Variants in CFAP20DC observed in about 807,000 individuals in gnomAD.
CFAP20DC encodes the protein protein CFAP20DC.
In CFAP20DC, 84 loss-of-function variants were observed where a neutral mutation model predicts 101.7. The ratio of observed to expected loss-of-function variants is 0.83; its 90% CI spans 0.69 to 0.99. The LOEUF (loss-of-function observed/expected upper bound fraction) is 0.99, where lower values mean the gene tolerates loss of function less well. Ranked by LOEUF, CFAP20DC falls within the 50% of genes least tolerant of loss-of-function variation. The pLI is 0.00. For missense variants in CFAP20DC, 1,007 were observed against 970.3 expected, an observed-to-expected ratio of 1.04 and a Z score of -0.50; for synonymous variants, 359 against 351.2, an observed-to-expected ratio of 1.02 and a Z score of -0.25.
chr3:58,837,859 C>A (rs1033035166), intron 13 of CFAP20DC, among the ~76,000 whole-genome samples: 1 of 152,140 alleles, frequency 6.6e-6, no homozygotes, highest in Non-Finnish European at 1.5e-5. Flanking sequence ...CATTTGAATT[C>A]GAGGATTAAT....
chr3:58,830,194 A>C (rs1248516973), intron 14 of CFAP20DC, among the ~76,000 whole-genome samples: 1 of 152,194 alleles, frequency 6.6e-6, no homozygotes, highest in Non-Finnish European at 1.5e-5. Context: ...AGGTAGGGAT[A>C]AAGAGCACTA....
chr3:59,039,599 T>C lies in CFAP20DC; in HGVS notation c.236A>G (p.Gln79Arg). 1 of 1,528,546 alleles carries C rather than the reference T, an allele frequency of 6.5e-7. No homozygotes were observed. Among genetic ancestry groups the C allele is most frequent in the Middle Eastern group, 1.7e-4 (1 of 5,966 alleles). 94.7% of individuals were successfully genotyped at this position (1,528,546 alleles called of 1,614,324 possible). A position where few individuals can be genotyped will look rare whatever the true frequency, so the allele number is the denominator to read the frequency against. The change falls in exon 4 of 17, where the codon CAG (glutamine) becomes CGG (arginine). Residue 79 changes from glutamine (Q) to arginine (R), a missense_variant. Physicochemically the swap from Gln to Arg is conservative, Grantham distance 43. Transcript: ENST00000482387. ...LGLIQRFLVL[Q>R]IYVPLGQDFS... ...GTCTTGTCCCAGGGGTACGTAAATCTGAAGTACAAGAAACCTCTGGATCAA... is the reference window on the plus strand; with the variant it reads ...GTCTTGTCCCAGGGGTACGTAAATCCGAAGTACAAGAAACCTCTGGATCAA...
intron 15 of CFAP20DC, among the ~76,000 whole-genome samples, chr3:58,801,956 G>T (rs528816776): frequency 1.3e-5 from 2 of 152,226 alleles, no homozygotes; most frequent in East Asian, 3.9e-4. Flanking sequence ...GAATTATTTT[G>T]TATATTATAT....
intron 16 of CFAP20DC, among the ~76,000 whole-genome samples, chr3:58,743,740 G>A (rs1333478305): frequency 1.3e-5 from 2 of 152,140 alleles, no homozygotes; most frequent in African/African-American, 4.8e-5. Context: ...TGGTGGTTGT[G>A]GGGTTCCATC....
chr3:58,806,888 C>A (rs1181327879), intron 14 of CFAP20DC, among the ~76,000 whole-genome samples: 1 of 152,172 alleles, frequency 6.6e-6, no homozygotes, highest in Non-Finnish European at 1.5e-5. Flanking sequence ...TTCCAACGGG[C>A]TTAAAAAACG....
At chr3:58,810,547 C>T (rs1359809580) in intron 14 of CFAP20DC, among the ~76,000 whole-genome samples, 12 of 151,786 alleles carry the variant, frequency 7.9e-5, no homozygotes, top group African/African-American at 1.2e-4. Context: ...ATTGATGGGA[C>T]GTATTTCAAA....
chr3:58,759,395 T>G (rs2069305766), intron 15 of CFAP20DC, among the ~76,000 whole-genome samples: 1 of 152,250 alleles, frequency 6.6e-6, no homozygotes, highest in Non-Finnish European at 1.5e-5. Context: ...GTTTTTTTCT[T>G]GTAAATTTGT....
At chr3:58,976,560 C>G (rs1054370436) in intron 4 of CFAP20DC, among the ~76,000 whole-genome samples, 2 of 152,214 alleles carry the variant, frequency 1.3e-5, no homozygotes, top group African/African-American at 2.4e-5. Flanking sequence ...GCCACTTACA[C>G]TATTTGCAAA....
In CFAP20DC at chr3:58,894,571, T is replaced by C. The variant is rs1044144364; in HGVS notation, c.551-9862A>G. 6.6e-6 allele frequency among the ~76,000 whole-genome samples: 1 copy of C among 152,198 alleles called. No individual in the cohort carries two copies. Among genetic ancestry groups the C allele is most frequent in the African/African-American group, 2.4e-5 (1 of 41,452 alleles). ...TCCACCCCTGTGGCTCTGCAGGGTA[T>C]AGTCCCCATCTTAGATGCTTTCATG... On this transcript the variant is annotated intron_variant, in intron 6 of 16. Coordinates refer to ENST00000482387, the MANE Select transcript of CFAP20DC (RefSeq NM_001394063.1). The surrounding 1 kb of genome is among the most constrained non-coding windows in gnomAD (Gnocchi z 4.1).
At chr3:58,852,539 T>C (rs1196109045) in intron 12 of CFAP20DC, among the ~76,000 whole-genome samples, 2 of 151,996 alleles carry the variant, frequency 1.3e-5, no homozygotes, top group African/African-American at 2.4e-5. Context: ...AATACACATT[T>C]TTTTCAGCAC....
intron 14 of CFAP20DC, among the ~76,000 whole-genome samples, chr3:58,812,170 A>G (rs1454638216): frequency 5.9e-5 from 9 of 152,156 alleles, no homozygotes; most frequent in East Asian, 1.9e-4. Flanking sequence ...ATCTAGAACT[A>G]GAAATACCAT....
chr3:58,737,880 A>G (rs2067794632), downstream of CFAP20DC, among the ~76,000 whole-genome samples: 1 of 152,164 alleles, frequency 6.6e-6, no homozygotes, highest in South Asian at 2.1e-4. This position sits in a 1 kb window ranked among gnomAD's most constrained non-coding sequence, Gnocchi z 4.1. Flanking sequence ...CGGGTTTGTG[A>G]TGTCCATCTC....
intron 5 of CFAP20DC, among the ~76,000 whole-genome samples, chr3:58,929,658 T>A (rs2086368592): frequency 6.6e-6 from 1 of 152,230 alleles, no homozygotes. Context: ...CAAGCTCATT[T>A]TTATTACAGG....
At chr3:58,931,092 T>A (rs1320723267) in intron 5 of CFAP20DC, among the ~76,000 whole-genome samples, 1 of 152,018 alleles carries the variant, frequency 6.6e-6, no homozygotes, top group Admixed American at 6.6e-5. Context: ...CCGATGGGGC[T>A]TAAAAAACGG....
intron 6 of CFAP20DC, among the ~76,000 whole-genome samples, chr3:58,885,224 C>A (rs996003399): frequency 2.6e-5 from 4 of 152,114 alleles, no homozygotes; most frequent in African/African-American, 9.6e-5. Flanking sequence ...ACCCTTTACC[C>A]AGCTTCCTCT....
intron 5 of CFAP20DC, among the ~76,000 whole-genome samples, chr3:58,935,082 A>T (rs896856984): frequency 6.6e-5 from 10 of 152,218 alleles, no homozygotes; most frequent in Non-Finnish European, 1.5e-4. Flanking sequence ...AAGTCTCAGG[A>T]TACAAAATCA....
chr3:58,873,489 G>T (rs1235541400), intron 7 of CFAP20DC, among the ~76,000 whole-genome samples: 3 of 150,280 alleles, frequency 2.0e-5, no homozygotes, highest in Non-Finnish European at 4.4e-5. Context: ...CAGCTATGCT[G>T]GATGCTGTCA....
intron 7 of CFAP20DC, among the ~76,000 whole-genome samples, chr3:58,879,074 A>G (rs2081020477): frequency 6.6e-6 from 1 of 152,096 alleles, no homozygotes; most frequent in African/African-American, 2.4e-5. Context: ...CCTAGGCCCA[A>G]TGCTCACTAT....
chr3:59,031,910 T>A (rs2094002611), intron 4 of CFAP20DC, among the ~76,000 whole-genome samples: 1 of 152,206 alleles, frequency 6.6e-6, no homozygotes, highest in African/African-American at 2.4e-5. Flanking sequence ...GCTGGCAATA[T>A]GGCTGAATAG....
Sources: allele counts gnomAD v4.1 joint callset (sites outside exome capture counted in the v4.1 genomes callset), GRCh38; gene constraint gnomAD v4.1.1; non-coding constraint Gnocchi (gnomAD v3.1); transcripts MANE v1.5; gene names NCBI Gene and HGNC (gene_info 2026-07-23, HGNC 2026-07-21).